The following SPOCK3 variants were observed in gnomAD, a reference collection of about 807,000 sequenced individuals.
The protein encoded by SPOCK3 is testican-3.
A neutral mutation model predicts 56.6 loss-of-function variants in SPOCK3; 30 were observed. The ratio of observed to expected loss-of-function variants is 0.53; its 90% CI spans 0.40 to 0.72. SPOCK3 has a LOEUF of 0.72. SPOCK3 is among the 30% of genes least tolerant of loss of function. The pLI is 0.00. For missense variants in SPOCK3, 527 were observed against 530.0 expected (o/e 0.99, Z 0.06); for synonymous variants, 196 against 183.3 (o/e 1.07, Z -0.56).
chr4:167,068,401 T>C (rs145682444), intron 2 of SPOCK3, among the ~76,000 whole-genome samples: 105 of 151,926 alleles, frequency 6.9e-4, no homozygotes, highest in African/African-American at 2.5e-3. Flanking sequence ...AATATAGTTC[T>C]AGTTCATAAT....
rs538581364 is a variant in SPOCK3, at chr4:166,789,905, T to A, written c.709+2265A>T. 8.1e-4 allele frequency among the ~76,000 whole-genome samples: 124 copies of A among 152,284 alleles called. 1 individual carries two copies. In the Middle Eastern group the frequency reaches 0.027, roughly 33 times the overall value. On this transcript the variant is annotated intron_variant, in intron 7 of 10. Transcript: ENST00000357545. ...ATTATCTTATGTAATTTAAAATGCA[T>A]GCACATTTTGACTCATTGCTTCCAC...
intron 7 of SPOCK3, among the ~76,000 whole-genome samples, chr4:166,770,844 T>G (rs1012558558): frequency 6.6e-6 from 1 of 151,938 alleles, no homozygotes; most frequent in African/African-American, 2.4e-5. Flanking sequence ...TCATAAAAGC[T>G]GGAGTGGCTA....
chr4:167,042,239 G>A (rs1753294140), intron 3 of SPOCK3, among the ~76,000 whole-genome samples: 1 of 152,116 alleles, frequency 6.6e-6, no homozygotes, highest in South Asian at 2.1e-4. Flanking sequence ...CGAATCAGGG[G>A]ATTCAACCCA....
intron 6 of SPOCK3, among the ~76,000 whole-genome samples, chr4:166,860,033 G>A (rs1189827571): frequency 4.6e-5 from 7 of 152,066 alleles, no homozygotes; most frequent in South Asian, 4.1e-4. Flanking sequence ...GTAAGAGAAC[G>A]TAAGATAATC....
chr4:166,818,221 T>C (rs1158082139), intron 6 of SPOCK3, among the ~76,000 whole-genome samples: 1 of 151,970 alleles, frequency 6.6e-6, no homozygotes, highest in African/African-American at 2.4e-5. Flanking sequence ...TTCATCCTTT[T>C]TTGTGGCTAA....
At chr4:166,863,657 G>C (rs966200303) in intron 6 of SPOCK3, among the ~76,000 whole-genome samples, 1 of 151,996 alleles carries the variant, frequency 6.6e-6, no homozygotes, top group East Asian at 1.9e-4. Context: ...TGATAAAACA[G>C]ACTTTAAACC....
chr4:166,785,647 T>TTTCTTTG (rs143281731), intron 7 of SPOCK3, among the ~76,000 whole-genome samples: 23,512 of 151,954 alleles, frequency 0.15, 2,321 homozygotes, highest in East Asian at 0.28. Context: ...AAAATCCCCC[T>TTTCTTTG]TTCTTTGTAG....
intron 4 of SPOCK3, among the ~76,000 whole-genome samples, chr4:166,928,943 G>A (rs1188368903): frequency 1.3e-5 from 2 of 151,898 alleles, no homozygotes; most frequent in African/African-American, 2.4e-5. Flanking sequence ...ACTCCAGCCT[G>A]GGCGATAGAG....
intron 2 of SPOCK3, among the ~76,000 whole-genome samples, chr4:167,150,305 T>A (rs1764308324): frequency 6.6e-6 from 1 of 152,262 alleles, no homozygotes; most frequent in South Asian, 2.1e-4. Context: ...TGATGGTTTT[T>A]TTTTAATGTA....
chr4:166,808,873 G>C (rs1300705127), intron 6 of SPOCK3, among the ~76,000 whole-genome samples: 1 of 152,054 alleles, frequency 6.6e-6, no homozygotes, highest in Non-Finnish European at 1.5e-5. Flanking sequence ...GTTTGATGGT[G>C]TGAAAACCTC....
At chr4:166,835,924 T>G (rs1579366033) in intron 6 of SPOCK3, among the ~76,000 whole-genome samples, 1 of 152,262 alleles carries the variant, frequency 6.6e-6, no homozygotes, top group Non-Finnish European at 1.5e-5. Flanking sequence ...GAGAATCGCT[T>G]GAACCTGGGA....
At chr4:167,136,153 A>G (rs1763102002) in intron 2 of SPOCK3, among the ~76,000 whole-genome samples, 1 of 152,088 alleles carries the variant, frequency 6.6e-6, no homozygotes, top group African/African-American at 2.4e-5. Context: ...CCAAATCAGG[A>G]GGTTCAGAAA....
In SPOCK3 at chr4:167,020,000, A is replaced by G. The variant is rs115630143; in HGVS notation, c.236-19537T>C. Among the ~76,000 whole-genome samples, 946 of 152,210 alleles carry G rather than the reference A, an allele frequency of 6.2e-3. 6 individuals are homozygous for G. The highest frequency in any genetic ancestry group is 0.019 in the African/African-American group (777 of 41,562). On this transcript the variant is annotated intron_variant, in intron 3 of 10. Transcript: ENST00000357545. ...GGTTGCTATGAGTGACTGGAGCACA[A>G]GCCCCCCTGAACTTGGAAATACTAT...
At chr4:166,855,008 G>A (rs979624521) in intron 6 of SPOCK3, among the ~76,000 whole-genome samples, 1 of 152,138 alleles carries the variant, frequency 6.6e-6, no homozygotes, top group Non-Finnish European at 1.5e-5. Flanking sequence ...TCTCAAAGAA[G>A]TTGATGTTCC....
intron 6 of SPOCK3, among the ~76,000 whole-genome samples, chr4:166,872,894 G>T (rs918325436): frequency 6.6e-6 from 1 of 152,150 alleles, no homozygotes; most frequent in African/African-American, 2.4e-5. Flanking sequence ...GTGGAATGCA[G>T]AAGGGAAGGT....
At chr4:166,767,528 A>G (rs899228934) in intron 7 of SPOCK3, among the ~76,000 whole-genome samples, 4 of 152,098 alleles carry the variant, frequency 2.6e-5, no homozygotes, top group Admixed American at 6.6e-5. Flanking sequence ...CTGAGTTCTA[A>G]TTTGATTGCA....
chr4:167,186,162 T>C (rs1353726058), intron 2 of SPOCK3, among the ~76,000 whole-genome samples: 1 of 152,122 alleles, frequency 6.6e-6, no homozygotes, highest in African/African-American at 2.4e-5. Context: ...AATTCAACAA[T>C]TAATTATAAA....
chr4:167,058,570 A>G (rs906167018), intron 3 of SPOCK3, among the ~76,000 whole-genome samples: 2 of 152,180 alleles, frequency 1.3e-5, no homozygotes, highest in Admixed American at 6.5e-5. Context: ...AAATGGCCAT[A>G]CTGCCCAAGG....
intron 6 of SPOCK3, among the ~76,000 whole-genome samples, chr4:166,868,671 T>C (rs1465696253): frequency 6.6e-6 from 1 of 152,134 alleles, no homozygotes; most frequent in Non-Finnish European, 1.5e-5. Context: ...CATACTTTTA[T>C]CTATTTAAAC....
Sources: allele counts gnomAD v4.1 joint callset (sites outside exome capture counted in the v4.1 genomes callset), GRCh38; gene constraint gnomAD v4.1.1; transcripts MANE v1.5; gene names NCBI Gene and HGNC (gene_info 2026-07-23, HGNC 2026-07-21).